The following SLC16A1 variants were observed in gnomAD, a reference collection of about 807,000 sequenced individuals.
The protein encoded by SLC16A1 is monocarboxylate transporter 1.
In SLC16A1, 11 loss-of-function variants were observed where a neutral mutation model predicts 32.2. The observed-to-expected ratio is 0.34, with a 90% CI of 0.21 to 0.56. The LOEUF (loss-of-function observed/expected upper bound fraction) is 0.56, where lower values mean the gene tolerates loss of function less well. Ranked by LOEUF, SLC16A1 falls within the 20% of genes least tolerant of loss-of-function variation. The pLI, the probability that SLC16A1 is intolerant of heterozygous loss-of-function variation, is 0.87. For missense variants in SLC16A1, 435 were observed against 615.0 expected (o/e 0.71, Z 3.10); for synonymous variants, 231 against 226.8 (o/e 1.02, Z -0.17).
intron 1 of SLC16A1, among the ~76,000 whole-genome samples, chr1:112,948,226 C>T (rs775290655): frequency 7.4e-5 from 11 of 149,592 alleles, no homozygotes; most frequent in Non-Finnish European, 1.5e-4. Context: ...CAGCCGGGGG[C>T]GGCGGGGGAG....
At chr1:112,930,718 T>C (rs914093252) in intron 1 of SLC16A1, among the ~76,000 whole-genome samples, 1 of 151,186 alleles carries the variant, frequency 6.6e-6, no homozygotes, top group African/African-American at 2.5e-5. Context: ...CCTACAAACA[T>C]TTTAGGTTTT....
In SLC16A1 at chr1:112,917,065, GAGAA is replaced by G. The variant is rs1376385210; in HGVS notation, c.1228+109_1228+112del. On this transcript the variant is annotated intron_variant, in intron 4 of 4. Coordinates refer to ENST00000369626, the MANE Select transcript of SLC16A1 (RefSeq NM_003051.4). This position sits in a 1 kb window ranked among gnomAD's most constrained non-coding sequence, Gnocchi z 4.1. ...GTCCCAGCATCAAGGGTACATAAAT[GAGAA>G]AGATTTATTCTTACCCAAATAGCTC... The G allele has an allele frequency of 5.3e-6, 7 of 1,327,238 alleles. No individual in the cohort carries two copies. In the African/African-American group the frequency reaches 1.0e-4, roughly 19 times the overall value. The allele number at this position is 1,327,238 out of a possible 1,614,324, so 82.2% of individuals were successfully genotyped here. A position where few individuals can be genotyped will look rare whatever the true frequency, so the allele number is the denominator to read the frequency against.
intron 2 of SLC16A1, chr1:112,922,429 G>A: frequency 2.4e-6 from 1 of 409,410 alleles, no homozygotes; most frequent in South Asian, 2.2e-5. Flanking sequence ...AAAACACCTT[G>A]GTAATGGATG....
intron 1 of SLC16A1, among the ~76,000 whole-genome samples, chr1:112,931,758 G>A (rs184319152): frequency 6.6e-6 from 1 of 150,662 alleles, no homozygotes; most frequent in East Asian, 1.9e-4. Flanking sequence ...GTAACCTTCT[G>A]TTACATTTTC....
At chr1:112,919,535 C>A (rs1198088516) in intron 3 of SLC16A1, among the ~76,000 whole-genome samples, 1 of 152,140 alleles carries the variant, frequency 6.6e-6, no homozygotes. Context: ...AGCAGTGTGG[C>A]CCTGTTTCAG....
At chr1:112,938,570 T>TA (rs1251533331) in intron 1 of SLC16A1, among the ~76,000 whole-genome samples, 19 of 152,192 alleles carry the variant, frequency 1.2e-4, no homozygotes, top group Admixed American at 1.2e-3. Flanking sequence ...TAAAGAATCT[T>TA]AAAAAATATA....
chr1:112,942,951 C>T (rs563457234), intron 1 of SLC16A1, among the ~76,000 whole-genome samples: 10 of 151,282 alleles, frequency 6.6e-5, no homozygotes, highest in East Asian at 3.9e-4. Flanking sequence ...CATATATGCA[C>T]GCACTTGTGT....
At chr1:112,914,562 T>C (rs557338453) in intron 4 of SLC16A1, among the ~76,000 whole-genome samples, 28 of 152,216 alleles carry the variant, frequency 1.8e-4, no homozygotes, top group Non-Finnish European at 3.5e-4. Flanking sequence ...CTCTCAGCAT[T>C]TCCCAAAGAG....
At position 112,913,365 on chromosome 1, in the gene SLC16A1, A is replaced by G. The variant is rs1648387920; in HGVS notation, c.*526T>C. 1 of 159,142 alleles carries G rather than the reference A, an allele frequency of 6.3e-6. No homozygotes were observed. Among genetic ancestry groups the G allele is most frequent in the Non-Finnish European group, 1.4e-5 (1 of 72,038 alleles). 9.9% of individuals were successfully genotyped at this position (159,142 alleles called of 1,614,324 possible). The stretch of plus-strand genomic sequence containing the variant: ...AGAAATCTACTGATGCTAGGAAAAT[A>G]TTTTTGTCAGCATTTTGTAAAATCT... On this transcript the variant is annotated 3_prime_UTR_variant, in exon 5 of 5. Transcript: ENST00000369626.
intron 1 of SLC16A1, among the ~76,000 whole-genome samples, chr1:112,949,764 T>C (rs1649825763): frequency 6.6e-6 from 1 of 152,118 alleles, no homozygotes. Flanking sequence ...GCTCTTGAAC[T>C]CCTGGGCTCA....
chr1:112,944,813 C>T (rs943821235), intron 1 of SLC16A1, among the ~76,000 whole-genome samples: 2 of 151,974 alleles, frequency 1.3e-5, no homozygotes, highest in Non-Finnish European at 2.9e-5. Flanking sequence ...ATACCTAAGC[C>T]CCACGAGTAG....
intron 1 of SLC16A1, among the ~76,000 whole-genome samples, chr1:112,937,904 G>C (rs1205523710): frequency 6.6e-6 from 1 of 152,078 alleles, no homozygotes; most frequent in African/African-American, 2.4e-5. Context: ...AACTTTTCTT[G>C]GCAATGACGG....
At chr1:112,933,606 A>G (rs1036131957) in intron 1 of SLC16A1, among the ~76,000 whole-genome samples, 56 of 152,228 alleles carry the variant, frequency 3.7e-4, no homozygotes, top group African/African-American at 1.4e-3. Flanking sequence ...CAAAAGATCT[A>G]AACAGGTGCT....
chr1:112,914,848 T>C (rs1481520518), intron 4 of SLC16A1, among the ~76,000 whole-genome samples: 1 of 152,244 alleles, frequency 6.6e-6, no homozygotes, highest in African/African-American at 2.4e-5. Flanking sequence ...TCAAATGAAT[T>C]GATAAATGGC....
chr1:112,916,824 G>GA (rs1201833192), intron 4 of SLC16A1, among the ~76,000 whole-genome samples: 2 of 152,064 alleles, frequency 1.3e-5, no homozygotes, highest in Non-Finnish European at 2.9e-5. Context: ...CAGCTACCGG[G>GA]AGGCTGAGGC....
chr1:112,916,317 T>G (rs544555065), intron 4 of SLC16A1, among the ~76,000 whole-genome samples: 48 of 151,438 alleles, frequency 3.2e-4, no homozygotes, highest in African/African-American at 1.1e-3. Context: ...CTGGCCAACA[T>G]GGTGAAACCG....
At chr1:112,939,867 C>A (rs1481240089) in intron 1 of SLC16A1, among the ~76,000 whole-genome samples, 1 of 151,950 alleles carries the variant, frequency 6.6e-6, no homozygotes, top group African/African-American at 2.4e-5. Context: ...AAAAACTCAG[C>A]CTCATACTCC....
At chr1:112,926,601 T>C (rs1244430185) in intron 2 of SLC16A1, among the ~76,000 whole-genome samples, 3 of 151,424 alleles carry the variant, frequency 2.0e-5, no homozygotes, top group Non-Finnish European at 4.4e-5. Context: ...AGGCTAGGCA[T>C]GGTGGCTCAT....
intron 1 of SLC16A1, among the ~76,000 whole-genome samples, chr1:112,954,208 A>T (rs1348874076): frequency 6.6e-6 from 1 of 152,018 alleles, no homozygotes; most frequent in African/African-American, 2.4e-5. Context: ...AGGAGTGAGC[A>T]TTATAAAGTG....
Sources: gnomAD v4.1 joint callset for allele counts (sites outside exome capture counted in the v4.1 genomes callset) on GRCh38, gnomAD v4.1.1 for gene constraint, Gnocchi (gnomAD v3.1) non-coding constraint, MANE v1.5 for transcripts, NCBI Gene and HGNC (gene_info 2026-07-23, HGNC 2026-07-21) for gene names.